PVT1: variants seen among roughly 807,000 people sequenced by gnomAD.
PVT1 encodes the protein Pvt1 oncogene.
chr8:128,068,186 A>G (rs932149940), intron 4 of PVT1, among the ~76,000 whole-genome samples: 4 of 151,416 alleles, frequency 2.6e-5, no homozygotes, highest in Non-Finnish European at 4.4e-5. Context: ...TTACACAAAC[A>G]TTTTCATTTG....
chr8:127,994,074 G>A (rs1317236491), intron 4 of PVT1, among the ~76,000 whole-genome samples: 3 of 152,142 alleles, frequency 2.0e-5, no homozygotes, highest in African/African-American at 7.2e-5. Flanking sequence ...AACCTGCCCT[G>A]TGCCTGCCTG....
intron 5 of PVT1, among the ~76,000 whole-genome samples, chr8:128,075,376 C>T (rs773659149): frequency 6.6e-6 from 1 of 152,078 alleles, no homozygotes; most frequent in Non-Finnish European, 1.5e-5. Context: ...ATGCCTGGCA[C>T]ATAATAGATG....
intron 4 of PVT1, among the ~76,000 whole-genome samples, chr8:128,032,150 A>G (rs1000648645): frequency 6.6e-6 from 1 of 152,142 alleles, no homozygotes; most frequent in Non-Finnish European, 1.5e-5. Context: ...GCCTTAAGAG[A>G]CGGCTGAAGA....
At chr8:127,997,040 T>G (rs1817112701) in intron 4 of PVT1, among the ~76,000 whole-genome samples, 1 of 94,996 alleles carries the variant, frequency 1.1e-5, no homozygotes, top group African/African-American at 3.9e-5. Context: ...GGTCATTTGC[T>G]TTCGTTTTTT....
intron 2 of PVT1, among the ~76,000 whole-genome samples, chr8:127,817,502 T>C (rs2129673156): frequency 7.6e-6 from 1 of 131,492 alleles, no homozygotes; most frequent in East Asian, 2.2e-4. Flanking sequence ...TATATACATA[T>C]ATATTTAAAT....
intron 3 of PVT1, among the ~76,000 whole-genome samples, chr8:127,928,202 ATCT>A (rs1204885092): frequency 1.3e-5 from 2 of 152,094 alleles, no homozygotes; most frequent in African/African-American, 2.4e-5. Flanking sequence ...AGGGTTCCTC[ATCT>A]TCTACCACCC....
At chr8:127,849,118 A>C (rs1172117335) in intron 2 of PVT1, among the ~76,000 whole-genome samples, 1 of 152,060 alleles carries the variant, frequency 6.6e-6, no homozygotes, top group East Asian at 1.9e-4. Context: ...CAGTAGGAAG[A>C]GTGTGTGTTC....
In PVT1 at chr8:127,986,111, T is replaced by C. The variant is rs975406939; in HGVS notation, n.783-3051T>C. Among the ~76,000 whole-genome samples the C allele has an allele frequency of 2.6e-5, 4 of 152,336 alleles. No homozygotes were observed. The East Asian group carries it at 5.8e-4, about 22-fold the overall frequency. On this transcript the variant is annotated intron_variant and non_coding_transcript_variant, in intron 3 of 10. Transcript: ENST00000651587. ...ACTGCCTCCCCTTGTTCAGGTTACC[T>C]AGCCCTTGTGCAATTCACCTTCTGA...
intron 3 of PVT1, chr8:127,947,757 T>G (rs1470245265): frequency 6.6e-6 from 3 of 456,370 alleles, no homozygotes; most frequent in Non-Finnish European, 1.3e-5. Context: ...ATGATCACAG[T>G]CCAGGGACAA....
chr8:128,021,402 T>A (rs540119094), intron 4 of PVT1, among the ~76,000 whole-genome samples: 1 of 149,548 alleles, frequency 6.7e-6, no homozygotes, highest in Admixed American at 6.7e-5. Context: ...CACGCCATTC[T>A]CCTGCCTCAG....
At chr8:128,098,278 C>T (rs1180271983) in intron 6 of PVT1, among the ~76,000 whole-genome samples, 1 of 152,172 alleles carries the variant, frequency 6.6e-6, no homozygotes, top group Non-Finnish European at 1.5e-5. Context: ...TCACAAAGAA[C>T]AGTGCTGGAG....
chr8:128,060,244 A>T (rs571082400), intron 4 of PVT1, among the ~76,000 whole-genome samples: 44 of 152,176 alleles, frequency 2.9e-4, no homozygotes, highest in Admixed American at 1.2e-3. Flanking sequence ...CGACAGAGTG[A>T]GACTCCGTCA....
intron 2 of PVT1, among the ~76,000 whole-genome samples, chr8:127,888,316 G>A (rs1467555937): frequency 3.9e-5 from 6 of 152,182 alleles, no homozygotes; most frequent in African/African-American, 1.2e-4. Context: ...AAGTGTGTGT[G>A]GCTCTGTGCA....
chr8:127,868,790 T>C (rs1000795093), intron 2 of PVT1, among the ~76,000 whole-genome samples: 2 of 109,160 alleles, frequency 1.8e-5, no homozygotes, highest in African/African-American at 4.3e-5. Flanking sequence ...TATATATATA[T>C]ATACATATAT....
chr8:128,091,773 G>A (rs183078960), intron 5 of PVT1, among the ~76,000 whole-genome samples: 1 of 152,154 alleles, frequency 6.6e-6, no homozygotes, highest in South Asian at 2.1e-4. Context: ...TTGTAAAGTT[G>A]TGAGGATGGT....
chr8:127,805,974 G>A (rs1232191326), intron 2 of PVT1, among the ~76,000 whole-genome samples: 1 of 151,938 alleles, frequency 6.6e-6, no homozygotes, highest in African/African-American at 2.4e-5. Flanking sequence ...AAAGAAAAAG[G>A]CACATCTAAG....
intron 2 of PVT1, among the ~76,000 whole-genome samples, chr8:127,880,762 G>A (rs1198785604): frequency 6.6e-6 from 1 of 151,948 alleles, no homozygotes; most frequent in Admixed American, 6.6e-5. Context: ...CACCATGACT[G>A]GCTAATTTTT....
chr8:127,819,164 T>C (rs1235228427), intron 2 of PVT1, among the ~76,000 whole-genome samples: 1 of 152,198 alleles, frequency 6.6e-6, no homozygotes, highest in Non-Finnish European at 1.5e-5. Flanking sequence ...AAATCATCAT[T>C]GAAGGAGCAA....
At chr8:127,863,236 C>A (rs932173799) in intron 2 of PVT1, among the ~76,000 whole-genome samples, 3 of 152,010 alleles carry the variant, frequency 2.0e-5, no homozygotes, top group Admixed American at 6.6e-5. Context: ...TTCAGCCTCC[C>A]GAGTTGCTGG....
Sources: allele counts gnomAD v4.1 joint callset (sites outside exome capture counted in the v4.1 genomes callset), GRCh38; gene constraint gnomAD v4.1.1; transcripts MANE v1.5; gene names NCBI Gene and HGNC (gene_info 2026-07-23, HGNC 2026-07-21).